Variants in SCN8A observed in about 807,000 individuals in gnomAD.
SCN8A encodes sodium voltage-gated channel alpha subunit 8, also known as sodium channel protein type 8 subunit alpha.
SCN8A carries 30 observed loss-of-function variants against 184.1 expected under a neutral mutation model. The observed-to-expected ratio is 0.16, with a 90% CI of 0.12 to 0.22. The LOEUF is 0.22. SCN8A is among the 10% of genes least tolerant of loss of function. The probability of loss-of-function intolerance (pLI) is 1.00; values close to 1 mark genes in which losing one functional copy is unlikely to be tolerated. For missense variants in SCN8A, 1,057 were observed against 2,498.9 expected, an observed-to-expected ratio of 0.42 and a Z score of 12.30; for synonymous variants, 852 against 907.0, an observed-to-expected ratio of 0.94 and a Z score of 1.09.
chr12:51,703,544 C>T (rs1024125417), intron 9 of SCN8A, among the ~76,000 whole-genome samples: 2 of 152,172 alleles, frequency 1.3e-5, no homozygotes, highest in African/African-American at 2.4e-5. Context: ...ATTTGTAACA[C>T]ATTTGGATTT....
At chr12:51,642,959 G>A (rs1940488514) in intron 1 of SCN8A, among the ~76,000 whole-genome samples, 1 of 152,102 alleles carries the variant, frequency 6.6e-6, no homozygotes, top group South Asian at 2.1e-4. Context: ...CATGGCCTTT[G>A]TGATGCCTGT....
intron 2 of SCN8A, among the ~76,000 whole-genome samples, chr12:51,664,257 G>A (rs1940985781): frequency 6.6e-6 from 1 of 151,618 alleles, no homozygotes; most frequent in Non-Finnish European, 1.5e-5. Context: ...GCCCAGACAG[G>A]AGTGCAGTGG....
At chr12:51,645,962 A>AT (rs55968129) in intron 1 of SCN8A, among the ~76,000 whole-genome samples, 41,840 of 133,320 alleles carry the variant, frequency 0.31, 6,727 homozygotes, top group East Asian at 0.4. Context: ...AAAAAAAAAA[A>AT]AAATAATAAT....
intron 26 of SCN8A, among the ~76,000 whole-genome samples, chr12:51,797,591 A>G (rs1159576253): frequency 6.6e-6 from 1 of 152,166 alleles, no homozygotes; most frequent in Non-Finnish European, 1.5e-5. Flanking sequence ...GGTTTGGGGC[A>G]TTTGTAGTCC....
intron 2 of SCN8A, among the ~76,000 whole-genome samples, chr12:51,666,409 C>T (rs1350576919): frequency 6.6e-6 from 1 of 152,132 alleles, no homozygotes; most frequent in Non-Finnish European, 1.5e-5. Flanking sequence ...GTATCTTAAC[C>T]CCTTCACTTC....
chr12:51,795,201 A>G (rs1393505088), intron 26 of SCN8A, among the ~76,000 whole-genome samples: 1 of 152,210 alleles, frequency 6.6e-6, no homozygotes, highest in Non-Finnish European at 1.5e-5. Context: ...TCTGGACTGT[A>G]TACATGTCCA....
In SCN8A at chr12:51,811,998, G is replaced by A. The variant is rs372505028; in HGVS notation, c.*4569G>A. 301 of 152,334 alleles carry A rather than the reference G, an allele frequency of 2.0e-3. 2 individuals are homozygous for A. The highest frequency in any genetic ancestry group is 6.9e-3 in the African/African-American group (285 of 41,574). The allele number at this position is 152,334 out of a possible 1,614,324, so 9.4% of individuals were successfully genotyped here. A position where few individuals can be genotyped will look rare whatever the true frequency, so the allele number is the denominator to read the frequency against. On this transcript the variant is annotated 3_prime_UTR_variant, in exon 27 of 27. Coordinates refer to ENST00000627620, the MANE Select transcript of SCN8A (RefSeq NM_001330260.2). ...TTGGCTGCAACTTGCCAGCCAGGGG[G>A]ACATCAGGAGAGAAGAGGAAGTCTG...
At chr12:51,762,394 A>G (rs1565915241) in intron 14 of SCN8A, 109 bp from the exon 15 acceptor site, 1 of 1,038,422 alleles carries the variant, frequency 9.6e-7, no homozygotes, top group Admixed American at 2.2e-5. Flanking sequence ...GCAGAATTTA[A>G]CTAAGGTTAA....
Position 51,769,963 on chromosome 12 carries a change from T to C in SCN8A, c.3468T>C (p.Asp1156=). The change falls in exon 18 of 27, where the codon GAT becomes GAC. Residue 1156 remains aspartate (D), a synonymous_variant. Coordinates refer to ENST00000627620, the MANE Select transcript of SCN8A (RefSeq NM_001330260.2). ...TGGAACAGCCTGAGGAATACTTGGA[T>C]CCAGATGCCTGCTTCACAGAAGGTG... ...VPVEQPEEYL[D]PDACFTEGCV... The C allele has an allele frequency of 6.2e-7, 1 of 1,601,174 alleles. No individual in the cohort carries two copies. Among genetic ancestry groups the C allele is most frequent in the Non-Finnish European group, 8.5e-7 (1 of 1,173,640 alleles).
intron 2 of SCN8A, among the ~76,000 whole-genome samples, chr12:51,675,579 C>T (rs1174532516): frequency 1.3e-5 from 2 of 152,114 alleles, no homozygotes; most frequent in South Asian, 2.1e-4. Flanking sequence ...AACTAGAAGC[C>T]GGGAGATCTA....
intron 19 of SCN8A, among the ~76,000 whole-genome samples, chr12:51,772,119 C>G (rs1293539314): frequency 3.3e-5 from 5 of 152,126 alleles, no homozygotes; most frequent in African/African-American, 9.7e-5. Flanking sequence ...CAAAGTGGCC[C>G]GGTCCAGTGG....
At chr12:51,789,473 C>T in intron 24 of SCN8A, 55 bp downstream of exon 24, 4 of 1,551,462 alleles carry the variant, frequency 2.6e-6, no homozygotes, top group South Asian at 2.3e-5. Context: ...ATAAGAGGCA[C>T]CTTTGTCCCT....
chr12:51,617,985 A>G (rs79058911), intron 1 of SCN8A, among the ~76,000 whole-genome samples: 1 of 152,068 alleles, frequency 6.6e-6, no homozygotes, highest in Non-Finnish European at 1.5e-5. Context: ...TGAGCCCCGG[A>G]ATTCATATAC....
intron 19 of SCN8A, among the ~76,000 whole-genome samples, chr12:51,771,096 A>T (rs1172567365): frequency 6.6e-6 from 1 of 152,208 alleles, no homozygotes; most frequent in Non-Finnish European, 1.5e-5. Flanking sequence ...AAATGTTTAG[A>T]GTCAGATCTC....
At chr12:51,602,917 A>G (rs150988148) in intron 1 of SCN8A, among the ~76,000 whole-genome samples, 1 of 152,342 alleles carries the variant, frequency 6.6e-6, no homozygotes, top group East Asian at 1.9e-4. Flanking sequence ...TAGCTCATGA[A>G]TGGCAAATAT....
intron 1 of SCN8A, among the ~76,000 whole-genome samples, 196 bp downstream of exon 1, chr12:51,591,555 C>T (rs1939217982): frequency 6.6e-6 from 1 of 152,126 alleles, no homozygotes; most frequent in Non-Finnish European, 1.5e-5. Context: ...ACTCTTGCTT[C>T]CTTCTACTGT....
At chr12:51,687,437 C>T (rs1941436990) in intron 5 of SCN8A, among the ~76,000 whole-genome samples, 1 of 152,102 alleles carries the variant, frequency 6.6e-6, no homozygotes, top group Non-Finnish European at 1.5e-5. Flanking sequence ...AGAAGGCAAG[C>T]AGAGGCTTTA....
At position 51,786,561 on chromosome 12, in the gene SCN8A, T is replaced by C. The variant is rs1938091858; in HGVS notation, c.3962T>C (p.Val1321Ala). Reference protein sequence around the residue: ...EGMRVVVNALVGAIPSIMNVL... With the variant: ...EGMRVVVNALAGAIPSIMNVL... ...ATGCAGGTGGTGGTGAATGCCTTGG[T>C]GGGCGCCATCCCCTCCATCATGAAT... The change falls in exon 22 of 27, where the codon GTG becomes GCG. Residue 1321 changes from valine to alanine, a missense_variant. By Grantham distance (64) the Val-to-Ala change is moderately conservative. Around this residue, in one of 19 missense-constraint regions of SCN8A, gnomAD observed 7 missense variants for 81.6 expected, o/e 0.09. Coordinates refer to ENST00000627620, the MANE Select transcript of SCN8A (RefSeq NM_001330260.2). 1 of 1,614,054 alleles carries C rather than the reference T, an allele frequency of 6.2e-7. No individual in the cohort carries two copies. The highest frequency in any genetic ancestry group is 1.1e-5 in the South Asian group (1 of 91,080).
intron 6 of SCN8A, among the ~76,000 whole-genome samples, chr12:51,692,895 T>C (rs1250944200): frequency 6.6e-6 from 1 of 152,236 alleles, no homozygotes; most frequent in Non-Finnish European, 1.5e-5. Flanking sequence ...CAGTTTCTTT[T>C]CATTTCTGTC....
Sources: gnomAD v4.1 joint callset for allele counts (sites outside exome capture counted in the v4.1 genomes callset) on GRCh38, gnomAD v4.1.1 for gene constraint, gnomAD v4.1.1 regional missense constraint, MANE v1.5 for transcripts, NCBI Gene and HGNC (gene_info 2026-07-23, HGNC 2026-07-21) for gene names.